The following RAD51B variants were observed in gnomAD, a reference collection of about 807,000 sequenced individuals.
RAD51B encodes DNA repair protein RAD51 homolog 2.
Under a neutral mutation model 42.2 loss-of-function variants are expected in RAD51B, and 38 were observed. That is an observed-to-expected ratio of 0.90 (90% CI 0.70 to 1.18). RAD51B has a LOEUF of 1.18. RAD51B is among the 50% of genes most tolerant of loss of function. The pLI is 0.00. For synonymous variants in RAD51B, 154 were observed against 145.2 expected, an observed-to-expected ratio of 1.06 and a Z score of -0.43; for missense variants, 373 against 400.7, an observed-to-expected ratio of 0.93 and a Z score of 0.59.
intron 7 of RAD51B, among the ~76,000 whole-genome samples, chr14:68,206,936 C>T (rs1166430054): frequency 1.3e-5 from 2 of 152,068 alleles, no homozygotes; most frequent in Non-Finnish European, 2.9e-5. Context: ...ACTACAGGCG[C>T]CCGCCAACGC....
chr14:68,079,396 G>A (rs113597096), intron 7 of RAD51B, among the ~76,000 whole-genome samples: 4,080 of 152,134 alleles, frequency 0.027, 187 homozygotes, highest in African/African-American at 0.093. Context: ...ATATTTTGGG[G>A]CATTTTAAAA....
intron 8 of RAD51B, among the ~76,000 whole-genome samples, chr14:68,349,305 A>T (rs959547462): frequency 2.0e-5 from 3 of 152,150 alleles, no homozygotes; most frequent in Non-Finnish European, 4.4e-5. Context: ...AAAAGGAACA[A>T]ACTAGAATGT....
At chr14:67,972,045 A>T (rs2074908657) in intron 7 of RAD51B, among the ~76,000 whole-genome samples, 1 of 150,140 alleles carries the variant, frequency 6.7e-6, no homozygotes, top group Non-Finnish European at 1.5e-5. Context: ...AGATAATTTG[A>T]GTGCCTTGTA....
intron 8 of RAD51B, among the ~76,000 whole-genome samples, chr14:68,408,731 C>A (rs567009943): frequency 1.3e-5 from 2 of 152,260 alleles, no homozygotes; most frequent in South Asian, 4.1e-4. Context: ...ATTAAAAAAT[C>A]ATATCACTAT....
At chr14:68,310,851 T>A (rs553260673) in intron 8 of RAD51B, among the ~76,000 whole-genome samples, 2 of 152,026 alleles carry the variant, frequency 1.3e-5, no homozygotes, top group South Asian at 2.1e-4. Context: ...TCTCAAAAAA[T>A]TAATTAATTA....
chr14:68,011,858 G>A (rs1056425365), intron 7 of RAD51B, among the ~76,000 whole-genome samples: 1 of 152,004 alleles, frequency 6.6e-6, no homozygotes, highest in Non-Finnish European at 1.5e-5. Context: ...AAGTTAGTCT[G>A]GCTGTTTCTC....
At position 67,984,372 on chromosome 14, in the gene RAD51B, CATT is replaced by C. The variant is rs2075147516; in HGVS notation, c.756+97169_756+97171del. ...ACTGCCACATACTGATTGTTGTAAA[CATT>C]GTTGGTTTCAAGACACTTTCTTATT... is the stretch of plus-strand genomic sequence containing the variant. On this transcript the variant is annotated intron_variant, in intron 7 of 10. Coordinates refer to ENST00000471583, the MANE Select transcript of RAD51B (RefSeq NM_133510.4). Among the ~76,000 whole-genome samples the C allele has an allele frequency of 2.6e-5, 4 of 152,264 alleles. No homozygotes were observed. In the South Asian group the frequency reaches 8.3e-4, roughly 32 times the overall value.
chr14:68,043,767 T>C (rs2076253087), intron 7 of RAD51B, among the ~76,000 whole-genome samples: 1 of 152,102 alleles, frequency 6.6e-6, no homozygotes, highest in Non-Finnish European at 1.5e-5. Flanking sequence ...TCTGAAGAAA[T>C]AGATTGGAAT....
chr14:68,561,403 G>A (rs564006555), intron 10 of RAD51B, among the ~76,000 whole-genome samples: 68 of 152,312 alleles, frequency 4.5e-4, no homozygotes, highest in African/African-American at 1.6e-3. Context: ...GGCATCTAGA[G>A]GGCCCCCTTG....
chr14:67,883,649 C>T (rs1035414383), intron 5 of RAD51B, among the ~76,000 whole-genome samples: 4 of 152,174 alleles, frequency 2.6e-5, no homozygotes, highest in Non-Finnish European at 5.9e-5. Context: ...GCTAGCCCCA[C>T]CTGTCACATT....
chr14:68,632,985 T>C (rs1157263035), intron 10 of RAD51B, among the ~76,000 whole-genome samples: 1 of 108,268 alleles, frequency 9.2e-6, no homozygotes, highest in African/African-American at 3.5e-5. Flanking sequence ...TTTTTTTTTT[T>C]TTTTTTTTTT....
intron 8 of RAD51B, among the ~76,000 whole-genome samples, chr14:68,389,382 T>G (rs1447673345): frequency 6.6e-6 from 1 of 152,162 alleles, no homozygotes; most frequent in Non-Finnish European, 1.5e-5. Context: ...TGGAGTCATA[T>G]AGCAGGTTCT....
At chr14:68,523,450 G>A (rs1482103835) in intron 10 of RAD51B, among the ~76,000 whole-genome samples, 2 of 152,198 alleles carry the variant, frequency 1.3e-5, no homozygotes, top group African/African-American at 4.8e-5. Flanking sequence ...TCACTGTGAA[G>A]GCAACGTAGC....
At chr14:67,833,920 T>G (rs2041142099) in intron 3 of RAD51B, among the ~76,000 whole-genome samples, 1 of 152,250 alleles carries the variant, frequency 6.6e-6, no homozygotes, top group South Asian at 2.1e-4. Context: ...AGCTTCAAGC[T>G]GTTCTTCACA....
intron 10 of RAD51B, among the ~76,000 whole-genome samples, chr14:68,469,961 T>C (rs2140237321): frequency 6.6e-6 from 1 of 152,336 alleles, no homozygotes; most frequent in South Asian, 2.1e-4. Context: ...CTGAGTTGCC[T>C]CTCTGATGTT....
intron 11 of RAD51B, among the ~76,000 whole-genome samples, chr14:68,663,659 A>T (rs2877497): frequency 6.6e-6 from 1 of 152,098 alleles, no homozygotes; most frequent in Non-Finnish European, 1.5e-5. Flanking sequence ...CAATACACTC[A>T]TATTTTGAGT....
At chr14:68,342,208 A>G (rs769768151) in intron 8 of RAD51B, among the ~76,000 whole-genome samples, 5 of 152,324 alleles carry the variant, frequency 3.3e-5, no homozygotes, top group East Asian at 3.9e-4. Flanking sequence ...GCCTAGTCCA[A>G]TCCTTGGAAC....
At chr14:68,288,627 A>G (rs1225974120) in intron 7 of RAD51B, among the ~76,000 whole-genome samples, 10 of 152,236 alleles carry the variant, frequency 6.6e-5, no homozygotes, top group Admixed American at 6.5e-4. Flanking sequence ...GTGAAGTGAG[A>G]ATAAAACTGA....
chr14:67,916,886 A>C (rs1286195388), intron 7 of RAD51B, among the ~76,000 whole-genome samples: 1 of 152,222 alleles, frequency 6.6e-6, no homozygotes, highest in African/African-American at 2.4e-5. Context: ...ATGGTAGAGG[A>C]CGGAGGATGG....
Sources: allele counts gnomAD v4.1 joint callset (sites outside exome capture counted in the v4.1 genomes callset), GRCh38; gene constraint gnomAD v4.1.1; transcripts MANE v1.5; gene names NCBI Gene and HGNC (gene_info 2026-07-23, HGNC 2026-07-21).